Variants in DLC1 observed in about 807,000 individuals in gnomAD.
The protein encoded by DLC1 is DLC1 Rho GTPase activating protein.
DLC1 carries 54 observed loss-of-function variants against 140.3 expected under a neutral mutation model. The ratio of observed to expected loss-of-function variants is 0.38; its 90% confidence interval spans 0.31 to 0.48. The LOEUF is 0.48. Ranked by LOEUF, DLC1 falls within the 20% of genes least tolerant of loss-of-function variation. The pLI is 0.96. For missense variants in DLC1, 2,536 were observed against 1,907.0 expected (o/e 1.33, Z -6.14); for synonymous variants, 986 against 728.1 (o/e 1.35, Z -5.70).
Position 13,088,218 on chromosome 8 carries a change from TA to T in DLC1, c.4292+268del, listed in dbSNP as rs60234062. On this transcript the variant is annotated intron_variant, in intron 16 of 17. Coordinates refer to ENST00000276297, the MANE Select transcript of DLC1 (RefSeq NM_182643.3). Reference sequence around the variant, plus strand: ...CCTCGGCCTCCCGAGTAGCTAGGACTACAGGCATGCACCACAACATCTAGCT... The same window carrying T: ...CCTCGGCCTCCCGAGTAGCTAGGACTCAGGCATGCACCACAACATCTAGCT... Among the ~76,000 whole-genome samples, 715 of 152,340 alleles carry T rather than the reference TA, an allele frequency of 4.7e-3. 14 individuals are homozygous for T. Among genetic ancestry groups the T allele is most frequent in the East Asian group, 0.046 (236 of 5,182 alleles).
intron 4 of DLC1, among the ~76,000 whole-genome samples, chr8:13,386,922 A>G (rs1209311773): frequency 1.3e-5 from 2 of 152,104 alleles, no homozygotes; most frequent in Non-Finnish European, 2.9e-5. Context: ...AAAAATCCAC[A>G]TACTTTAATG....
chr8:13,122,121 G>A (rs182398812), intron 5 of DLC1, among the ~76,000 whole-genome samples: 30 of 152,100 alleles, frequency 2.0e-4, no homozygotes, highest in Admixed American at 3.9e-4. Flanking sequence ...AAGGATCCCC[G>A]AGCCACTGGG....
At position 13,094,881 on chromosome 8, in the gene DLC1, C is replaced by A. The variant is rs767728246; in HGVS notation, c.3404G>T (p.Cys1135Phe). 1.9e-6 allele frequency: 3 copies of A among 1,614,132 alleles called. No individual in the cohort carries two copies. In the African/African-American group the frequency reaches 4.0e-5, roughly 22 times the overall value. The change falls in exon 12 of 18, where the codon TGT becomes TTT. Residue 1135 changes from cysteine (C) to phenylalanine (F), a missense_variant. Cys to Phe is a radical substitution (Grantham distance 205). Transcript: ENST00000276297. Reference sequence around the variant, plus strand: ...AGCAGACTGTCCTTCGTAGTTGACACAGTCTATGGCACCTTCATTCATCTG... The same window carrying A: ...AGCAGACTGTCCTTCGTAGTTGACAAAGTCTATGGCACCTTCATTCATCTG... ...LRQMNEGAID[C>F]VNYEGQSAYD...
At position 13,305,130 on chromosome 8, in the gene DLC1, C is replaced by A. The variant is rs574024757; in HGVS notation, c.1348+139G>T. ...CTTACATATTGAGCAAAACAAATTTCTTTTACAGAATTTAAACAACATTTT... is the reference window on the plus strand; with the variant it reads ...CTTACATATTGAGCAAAACAAATTTATTTTACAGAATTTAAACAACATTTT... On this transcript the variant is annotated intron_variant, in intron 5 of 17. Transcript: ENST00000276297. 6.3e-5 allele frequency: 85 copies of A among 1,345,610 alleles called. 1 individual carries two copies. The South Asian group carries it at 1.7e-3, about 27-fold the overall frequency. 83.4% of individuals were successfully genotyped at this position (1,345,610 alleles called of 1,614,324 possible).
chr8:13,406,557 A>T (rs1013881283), intron 2 of DLC1, among the ~76,000 whole-genome samples: 1 of 152,164 alleles, frequency 6.6e-6, no homozygotes, highest in Non-Finnish European at 1.5e-5. Flanking sequence ...TTCAAGAATG[A>T]TGTGGTGCCC....
chr8:13,364,249 C>T (rs1393728937), intron 4 of DLC1, among the ~76,000 whole-genome samples: 4 of 152,084 alleles, frequency 2.6e-5, no homozygotes, highest in African/African-American at 7.2e-5. Context: ...AGTTTGCTCC[C>T]TCTTCGTAGT....
chr8:13,215,366 A>T (rs1191969524), intron 5 of DLC1, among the ~76,000 whole-genome samples: 2 of 152,200 alleles, frequency 1.3e-5, no homozygotes, highest in Admixed American at 6.5e-5. Context: ...TGCGTGGATC[A>T]CTTGTGGTCA....
intron 1 of DLC1, among the ~76,000 whole-genome samples, chr8:13,588,840 T>C (rs1302914874): frequency 1.3e-5 from 2 of 151,990 alleles, no homozygotes; most frequent in Non-Finnish European, 2.9e-5. Context: ...CTGCTCTATG[T>C]TTATGGGAGT....
chr8:13,266,542 C>A (rs562944303), intron 5 of DLC1, among the ~76,000 whole-genome samples: 1 of 151,860 alleles, frequency 6.6e-6, no homozygotes, highest in Non-Finnish European at 1.5e-5. Flanking sequence ...GTCAGGAGTT[C>A]GAGACCAGCC....
rs1830180947 is a variant in DLC1 at position 13,255,431 on chromosome 8, G to C, written c.1348+49838C>G. Among the ~76,000 whole-genome samples the C allele has an allele frequency of 3.9e-5, 6 of 152,206 alleles. No homozygotes were observed. The South Asian group carries it at 1.2e-3, about 32-fold the overall frequency. ...TAAATGACATTATTGTCATTTAAAA[G>C]GCAGGGATAAGTCTTGCCCATCTCT... is the stretch of plus-strand genomic sequence containing the variant. On this transcript the variant is annotated intron_variant, in intron 5 of 17. Coordinates refer to ENST00000276297, the MANE Select transcript of DLC1 (RefSeq NM_182643.3).
At chr8:13,470,071 AT>A (rs143941318) in intron 2 of DLC1, among the ~76,000 whole-genome samples, 4 of 150,958 alleles carry the variant, frequency 2.6e-5, no homozygotes, top group Non-Finnish European at 4.4e-5. Context: ...ATTCAACCTT[AT>A]TTTTTTCCCC....
In DLC1 at chr8:13,592,470, C is replaced by G. The variant is rs539901168; in HGVS notation, c.-126+12067G>C. Among the ~76,000 whole-genome samples, 22 of 152,002 alleles carry G rather than the reference C, an allele frequency of 1.4e-4. No homozygotes were observed. In the South Asian group the frequency reaches 4.4e-3, roughly 30 times the overall value. On this transcript the variant is annotated intron_variant, in intron 1 of 1. Transcript: ENST00000631382. ...ATGTTCTATATAGCTTATTAACTTA[C>G]TTTTTGCTTTACGTGTTCTTTTCCA...
chr8:13,584,317 G>A (rs1356756185), intron 1 of DLC1: 1 of 154,454 alleles, frequency 6.5e-6, no homozygotes, highest in South Asian at 2.0e-4. Flanking sequence ...TGCTAGTTTT[G>A]CTGCTGCCTG....
chr8:13,198,192 G>A (rs1249861628), intron 5 of DLC1, among the ~76,000 whole-genome samples: 1 of 152,204 alleles, frequency 6.6e-6, no homozygotes, highest in Non-Finnish European at 1.5e-5. Flanking sequence ...TCACAAGTGT[G>A]ATCTGGGCTA....
intron 15 of DLC1, among the ~76,000 whole-genome samples, 191 bp downstream of exon 15, chr8:13,090,061 G>A (rs1170413500): frequency 2.0e-5 from 3 of 152,210 alleles, no homozygotes; most frequent in African/African-American, 7.2e-5. Context: ...TACACAGGAA[G>A]AAAATTACTC....
At chr8:13,386,693 AT>A (rs1351224194) in intron 4 of DLC1, among the ~76,000 whole-genome samples, 2 of 152,094 alleles carry the variant, frequency 1.3e-5, no homozygotes, top group East Asian at 3.8e-4. Flanking sequence ...CTTATTTATT[AT>A]TTCAAAATCC....
At chr8:13,146,047 G>C (rs1210461755) in intron 5 of DLC1, among the ~76,000 whole-genome samples, 1 of 152,130 alleles carries the variant, frequency 6.6e-6, no homozygotes, top group East Asian at 1.9e-4. Flanking sequence ...GGGAGGCTGA[G>C]GCGGGTGGAT....
chr8:13,464,253 T>G (rs1020798608), intron 2 of DLC1, among the ~76,000 whole-genome samples: 2 of 152,084 alleles, frequency 1.3e-5, no homozygotes, highest in African/African-American at 4.8e-5. Context: ...GTAATTGAGA[T>G]TTACACAAAA....
intron 2 of DLC1, among the ~76,000 whole-genome samples, chr8:13,443,162 C>A (rs1044348759): frequency 7.7e-6 from 1 of 129,936 alleles, no homozygotes; most frequent in African/African-American, 3.0e-5. Flanking sequence ...AATGAGAACA[C>A]ATGGACACAG....
Sources: gnomAD v4.1 joint callset for allele counts (sites outside exome capture counted in the v4.1 genomes callset) on GRCh38, gnomAD v4.1.1 for gene constraint, MANE v1.5 for transcripts, NCBI Gene and HGNC (gene_info 2026-07-23, HGNC 2026-07-21) for gene names.